STAM: variants seen among roughly 807,000 people sequenced by gnomAD.
STAM encodes the protein signal transducing adaptor molecule, also known as signal transducing adapter molecule 1.
STAM carries 16 observed loss-of-function variants against 63.4 expected under a neutral mutation model. That is an observed-to-expected ratio of 0.25 (90% CI 0.17 to 0.38). The LOEUF (loss-of-function observed/expected upper bound fraction) is 0.38, where lower values mean the gene tolerates loss of function less well. STAM is among the 10% of genes least tolerant of loss of function. STAM has a pLI of 1.00. For missense variants in STAM, 636 were observed against 657.1 expected (o/e 0.97, Z 0.35); for synonymous variants, 238 against 223.9 (o/e 1.06, Z -0.56).
At chr10:17,665,190 T>C (rs1564536480) in intron 2 of STAM, among the ~76,000 whole-genome samples, 1 of 152,132 alleles carries the variant, frequency 6.6e-6, no homozygotes, top group Non-Finnish European at 1.5e-5. Flanking sequence ...ATTCCTTCTC[T>C]TAAAAAGGAA....
chr10:17,712,806 T>C (rs1836614676), intron 13 of STAM, among the ~76,000 whole-genome samples: 1 of 152,172 alleles, frequency 6.6e-6, no homozygotes, highest in Admixed American at 6.5e-5. Context: ...TTTTCTTTCT[T>C]TTTTTAATGG....
chr10:17,657,311 A>G (rs1184123491), intron 1 of STAM, among the ~76,000 whole-genome samples: 2 of 152,164 alleles, frequency 1.3e-5, no homozygotes, highest in Admixed American at 6.5e-5. Flanking sequence ...ATCACCCAAC[A>G]TTCCTAGTGG....
At chr10:17,673,405 G>T (rs1554824292) in intron 2 of STAM, among the ~76,000 whole-genome samples, 1 of 152,152 alleles carries the variant, frequency 6.6e-6, no homozygotes, top group African/African-American at 2.4e-5. Flanking sequence ...TTCGTGTTTT[G>T]CTCAGTGACT....
chr10:17,709,220 T>G (rs148141141), intron 13 of STAM, among the ~76,000 whole-genome samples: 2 of 152,222 alleles, frequency 1.3e-5, no homozygotes, highest in Non-Finnish European at 2.9e-5. Context: ...TTTATTGTTG[T>G]TTTTATTTGC....
intron 2 of STAM, among the ~76,000 whole-genome samples, chr10:17,669,688 T>TTTTC (rs752712609): frequency 8.1e-4 from 122 of 151,300 alleles, no homozygotes; most frequent in Middle Eastern, 3.4e-3. Flanking sequence ...TTTCCCTTCT[T>TTTTC]TTTCTTTCTT....
chr10:17,694,731 A>G (rs1209160288), intron 6 of STAM, among the ~76,000 whole-genome samples: 1 of 152,216 alleles, frequency 6.6e-6, no homozygotes, highest in Non-Finnish European at 1.5e-5. Flanking sequence ...AAGGTCAAGG[A>G]AAATATCTGC....
In STAM at chr10:17,715,769, C is replaced by A. The variant is rs936590023; in HGVS notation, c.*989C>A. Reference sequence around the variant, plus strand: ...GAAAACCTGAATTACACTACATTTTCGAAGTCTCTTGTAATTATTTGGGAT... The same window carrying A: ...GAAAACCTGAATTACACTACATTTTAGAAGTCTCTTGTAATTATTTGGGAT... On this transcript the variant is annotated 3_prime_UTR_variant, in exon 14 of 14. Coordinates refer to ENST00000377524, the MANE Select transcript of STAM (RefSeq NM_003473.4). 6.6e-6 allele frequency: 1 copy of A among 152,552 alleles called. No homozygotes were observed. The highest frequency in any genetic ancestry group is 1.5e-5 in the Non-Finnish European group (1 of 68,002). The allele number at this position is 152,552 out of a possible 1,614,324, so 9.4% of individuals were successfully genotyped here.
chr10:17,714,589 C>T lies in STAM; in HGVS notation c.1432C>T (p.Pro478Ser). Residue 478 changes from proline (P) to serine (S), a missense_variant, in exon 14 of 14, where the codon CCA (proline) becomes TCA (serine). Around this residue, in one of 3 missense-constraint regions of STAM, gnomAD observed 532 missense variants for 536.9 expected, o/e 0.99. Coordinates refer to ENST00000377524, the MANE Select transcript of STAM (RefSeq NM_003473.4). ...VQGNTYPSQA[P>S]VYSPPPAATA... ...AGGAAACACATATCCCAGCCAGGCG[C>T]CAGTATATAGTCCTCCTCCTGCCGC... 6.2e-7 allele frequency: 1 copy of T among 1,614,164 alleles called. No individual in the cohort carries two copies. Among genetic ancestry groups the T allele is most frequent in the Non-Finnish European group, 8.5e-7 (1 of 1,180,026 alleles).
chr10:17,665,321 C>T (rs1834331516), intron 2 of STAM, among the ~76,000 whole-genome samples: 1 of 152,122 alleles, frequency 6.6e-6, no homozygotes, highest in African/African-American at 2.4e-5. Flanking sequence ...TATGTATTCA[C>T]ATGGCTCAAA....
intron 5 of STAM, among the ~76,000 whole-genome samples, chr10:17,690,812 A>G (rs1564557122): frequency 6.6e-6 from 1 of 152,228 alleles, no homozygotes; most frequent in Non-Finnish European, 1.5e-5. Flanking sequence ...CTAACTTTTG[A>G]TGTAAAGATA....
In STAM at chr10:17,714,699, A is replaced by T; in HGVS notation, c.1542A>T (p.Thr514=). 2 of 1,614,020 alleles carry T rather than the reference A, an allele frequency of 1.2e-6. No homozygotes were observed. Among genetic ancestry groups the T allele is most frequent in the Non-Finnish European group, 1.7e-6 (2 of 1,180,014 alleles). ...CCCAGGTGCCAAACTATAACTTAAC[A>T]TCATCAACTCTGCCTCAGCCCGGAG... The part of the protein sequence containing the change: ...NMPQVPNYNL[T]SSTLPQPGGS... Residue 514 remains threonine, a synonymous_variant, in exon 14 of 14, where the codon ACA becomes ACT. Transcript: ENST00000377524.
At chr10:17,711,976 T>C (rs1836575820) in intron 13 of STAM, among the ~76,000 whole-genome samples, 1 of 152,150 alleles carries the variant, frequency 6.6e-6, no homozygotes, top group Admixed American at 6.5e-5. Flanking sequence ...ATTTAGGAGA[T>C]TAGCAAATAA....
At chr10:17,700,413 T>A (rs1028061959) in intron 9 of STAM, 134 bp downstream of exon 9, 1 of 607,492 alleles carries the variant, frequency 1.6e-6, no homozygotes, top group African/African-American at 1.9e-5. Flanking sequence ...ATTCAAGCAA[T>A]ATAGACGATG....
At position 17,660,470 on chromosome 10, in the gene STAM, C is replaced by G. The variant is rs2131582562; in HGVS notation, c.47C>G (p.Ala16Gly). 1 of 1,591,094 alleles carries G rather than the reference C, an allele frequency of 6.3e-7. No individual in the cohort carries two copies. The highest frequency in any genetic ancestry group is 1.1e-5 in the South Asian group (1 of 87,748). Residue 16 changes from alanine (A) to glycine (G), a missense_variant, in exon 2 of 14, where the codon GCA becomes GGA. Physicochemically the swap from Ala to Gly is moderately conservative, Grantham distance 60. Coordinates refer to ENST00000377524, the MANE Select transcript of STAM (RefSeq NM_003473.4). ...TNPFDQDVEKATSEMNTAEDW... is the reference protein window; with the variant it reads ...TNPFDQDVEKGTSEMNTAEDW... The stretch of plus-strand genomic sequence containing the variant: ...TCCCCTTTACAATCTACAGAGAAAG[C>G]AACCAGCGAGATGAATACTGCTGAG...
chr10:17,683,068 A>G (rs1835152850), intron 2 of STAM, among the ~76,000 whole-genome samples: 2 of 152,132 alleles, frequency 1.3e-5, no homozygotes, highest in Non-Finnish European at 1.5e-5. Context: ...TACAATCTTA[A>G]TCTGCCATTT....
At chr10:17,684,014 T>C (rs1159243160) in intron 2 of STAM, among the ~76,000 whole-genome samples, 1 of 152,248 alleles carries the variant, frequency 6.6e-6, no homozygotes, top group Admixed American at 6.5e-5. Context: ...CTCCCCTGTA[T>C]ATCCACTGAA....
rs139405849 is a variant in STAM, at chr10:17,659,768, T to G, written c.41-696T>G. ...ATGAGCCATCCTGCCTAGCCTCTAA[T>G]GCTGTTTTTTTCTTTATGTAGATAC... On this transcript the variant is annotated intron_variant, in intron 1 of 13. Coordinates refer to ENST00000377524, the MANE Select transcript of STAM (RefSeq NM_003473.4). Among the ~76,000 whole-genome samples, 286 of 152,280 alleles carry G rather than the reference T, an allele frequency of 1.9e-3. 2 individuals carry two copies. The highest frequency in any genetic ancestry group is 6.6e-3 in the African/African-American group (275 of 41,558).
intron 1 of STAM, among the ~76,000 whole-genome samples, chr10:17,656,420 C>T (rs1370728392): frequency 6.6e-6 from 1 of 151,960 alleles, no homozygotes; most frequent in Non-Finnish European, 1.5e-5. Context: ...CTTTTAACTT[C>T]ACTGTAGGTT....
intron 1 of STAM, among the ~76,000 whole-genome samples, chr10:17,645,770 A>G (rs1171558691): frequency 6.6e-6 from 1 of 152,232 alleles, no homozygotes; most frequent in Admixed American, 6.5e-5. Context: ...GCTCAGTGAC[A>G]TAAGAGATAC....
Sources: allele counts gnomAD v4.1 joint callset (sites outside exome capture counted in the v4.1 genomes callset), GRCh38; gene constraint gnomAD v4.1.1; regional missense constraint gnomAD v4.1.1; transcripts MANE v1.5; gene names NCBI Gene and HGNC (gene_info 2026-07-23, HGNC 2026-07-21).